The following STK32B variants were observed in gnomAD, a reference collection of about 807,000 sequenced individuals.
STK32B encodes serine/threonine kinase 32B, also known as serine/threonine-protein kinase 32B.
STK32B carries 43 observed loss-of-function variants against 52.6 expected under a neutral mutation model. That is an observed-to-expected ratio of 0.82 (90% confidence interval 0.64 to 1.05). The LOEUF (loss-of-function observed/expected upper bound fraction) is 1.05. Among genes scored for constraint, STK32B ranks in the 50% least tolerant of loss-of-function variants. STK32B has a pLI of 0.00. For missense variants in STK32B, 621 were observed against 534.6 expected (o/e 1.16, Z -1.59); for synonymous variants, 238 against 204.3 (o/e 1.17, Z -1.41).
upstream of STK32B, among the ~76,000 whole-genome samples, chr4:5,050,981 G>T (rs975018889): frequency 6.6e-6 from 1 of 152,164 alleles, no homozygotes; most frequent in Non-Finnish European, 1.5e-5. Context: ...CAATGAAGGG[G>T]TCAGATTAGT....
chr4:5,479,342 T>C (rs570832385), intron 11 of STK32B, among the ~76,000 whole-genome samples: 38 of 152,092 alleles, frequency 2.5e-4, no homozygotes, highest in African/African-American at 8.7e-4. Context: ...TGGTCTCAAA[T>C]TCCCGACCTC....
Position 5,059,052 on chromosome 4 carries a change from C to CTTTTTTTTTTTTTTTTTTTTTTTTTT in STK32B, c.52+7141_52+7166dup, listed in dbSNP as rs3072775. ...AGGCGTGAGCCACCACGCCCAGCTG[C>CTTTTTTTTTTTTTTTTTTTTTTTTTT]TTTTTTTTTTTTTTTTTTTTTTTTT... On this transcript the variant is annotated intron_variant, in intron 1 of 11. Transcript: ENST00000282908. Among the ~76,000 whole-genome samples the CTTTTTTTTTTTTTTTTTTTTTTTTTT allele has an allele frequency of 1.5e-4, 13 of 86,920 alleles. 4 individuals carry two copies. Among genetic ancestry groups the CTTTTTTTTTTTTTTTTTTTTTTTTTT allele is most frequent in the Admixed American group, 4.4e-4 (3 of 6,804 alleles). 57.0% of individuals were successfully genotyped at this position (86,920 alleles called of 152,430 possible).
intron 2 of STK32B, among the ~76,000 whole-genome samples, chr4:5,153,395 T>C (rs10516172): frequency 0.065 from 9,864 of 152,106 alleles, 577 homozygotes; most frequent in Admixed American, 0.17. Context: ...TAGGTTCTTA[T>C]GTGAGAATAA....
intron 1 of STK32B, among the ~76,000 whole-genome samples, chr4:5,112,099 C>T (rs1714436165): frequency 1.3e-5 from 2 of 152,148 alleles, no homozygotes; most frequent in Non-Finnish European, 2.9e-5. Context: ...TAATCCCAGA[C>T]ATTTCTCACC....
At chr4:5,322,091 T>C (rs1731542013) in intron 3 of STK32B, among the ~76,000 whole-genome samples, 2 of 151,072 alleles carry the variant, frequency 1.3e-5, no homozygotes, top group South Asian at 4.2e-4. Flanking sequence ...CCCAGCACTT[T>C]GGGAGGCCAA....
At chr4:5,102,103 A>G (rs1713818786) in intron 1 of STK32B, among the ~76,000 whole-genome samples, 1 of 152,172 alleles carries the variant, frequency 6.6e-6, no homozygotes, top group Non-Finnish European at 1.5e-5. Flanking sequence ...AACCAGTCGG[A>G]TGATCCCTGT....
intron 3 of STK32B, among the ~76,000 whole-genome samples, chr4:5,242,899 A>G (rs933649191): frequency 6.6e-6 from 1 of 152,020 alleles, no homozygotes; most frequent in East Asian, 1.9e-4. Flanking sequence ...GGTATGCGGC[A>G]TTATTTCTGA....
intron 3 of STK32B, among the ~76,000 whole-genome samples, chr4:5,172,760 C>T (rs958659787): frequency 6.6e-5 from 10 of 152,242 alleles, no homozygotes; most frequent in Admixed American, 6.5e-4. Flanking sequence ...GGATATTGGT[C>T]TAAAATTCTC....
At chr4:5,042,963 G>A in the STK32B span, among the ~76,000 whole-genome samples, 12 of 151,600 alleles carry the variant, frequency 7.9e-5, no homozygotes, top group East Asian at 1.9e-4. Context: ...AAAATTAGCC[G>A]GGCGCGGTGG....
intron 3 of STK32B, among the ~76,000 whole-genome samples, chr4:5,192,240 G>C (rs1050037776): frequency 6.6e-6 from 1 of 152,186 alleles, no homozygotes; most frequent in Non-Finnish European, 1.5e-5. Flanking sequence ...TTGTGGATTT[G>C]AGACATTCCT....
chr4:5,193,175 C>T (rs1216646235), intron 3 of STK32B, among the ~76,000 whole-genome samples: 2 of 152,118 alleles, frequency 1.3e-5, no homozygotes, highest in African/African-American at 4.8e-5. Flanking sequence ...TCTCGTGCCT[C>T]CTGAGCTCTC....
At chr4:5,434,432 ATGTGTG>A (rs544048239) in intron 6 of STK32B, among the ~76,000 whole-genome samples, 15 of 145,778 alleles carry the variant, frequency 1.0e-4, no homozygotes, top group Middle Eastern at 3.6e-3. Context: ...GTGTGCATGT[ATGTGTG>A]TGTGTGTGTG....
chr4:5,371,585 G>A (rs1037953007), intron 4 of STK32B, among the ~76,000 whole-genome samples: 4 of 152,134 alleles, frequency 2.6e-5, no homozygotes, highest in Non-Finnish European at 5.9e-5. Context: ...AGGCCCAGCC[G>A]GCTGAAGGGG....
intron 11 of STK32B, among the ~76,000 whole-genome samples, chr4:5,494,565 G>A (rs1175571114): frequency 6.6e-6 from 1 of 152,088 alleles, no homozygotes; most frequent in Non-Finnish European, 1.5e-5. Context: ...GGAGCATTTA[G>A]CCCATTTACA....
At chr4:5,317,732 G>A (rs917239040) in intron 3 of STK32B, among the ~76,000 whole-genome samples, 1 of 150,780 alleles carries the variant, frequency 6.6e-6, no homozygotes, top group Admixed American at 6.7e-5. Context: ...CTTGGAGAAG[G>A]TGACAAGTGA....
At chr4:5,169,842 C>G (rs986297876) in intron 3 of STK32B, among the ~76,000 whole-genome samples, 1 of 152,138 alleles carries the variant, frequency 6.6e-6, no homozygotes, top group African/African-American at 2.4e-5. Flanking sequence ...CCCAGAAGCT[C>G]TTCAGACTCA....
At position 5,159,566 on chromosome 4, in the gene STK32B, AAT is replaced by A. The variant is rs1274132084; in HGVS notation, c.109-8726_109-8725del. Among the ~76,000 whole-genome samples the A allele has an allele frequency of 4.2e-4, 29 of 69,160 alleles. 5 individuals are homozygous for A. The highest frequency in any genetic ancestry group is 6.4e-4 in the African/African-American group (10 of 15,736). The allele number at this position is 69,160 out of a possible 152,430, so 45.4% of individuals were successfully genotyped here. On this transcript the variant is annotated intron_variant, in intron 2 of 11. Transcript: ENST00000282908. Reference sequence around the variant, plus strand: ...GTATATATATGAATATATATGAATGAATATATATGAATATATATATGAATATA... The same window carrying A: ...GTATATATATGAATATATATGAATGAATATATGAATATATATATGAATATA...
chr4:5,290,038 G>A (rs555952261), intron 3 of STK32B, among the ~76,000 whole-genome samples: 10 of 152,008 alleles, frequency 6.6e-5, no homozygotes, highest in South Asian at 2.1e-4. Flanking sequence ...GTAACCCCCC[G>A]TGTCTGTTGT....
At chr4:5,234,606 G>A (rs1309507152) in intron 3 of STK32B, among the ~76,000 whole-genome samples, 1 of 152,220 alleles carries the variant, frequency 6.6e-6, no homozygotes, top group East Asian at 1.9e-4. Flanking sequence ...TATTATAAGT[G>A]GAAAGGATGG....
Sources: gnomAD v4.1 joint callset for allele counts (sites outside exome capture counted in the v4.1 genomes callset) on GRCh38, gnomAD v4.1.1 for gene constraint, MANE v1.5 for transcripts, NCBI Gene and HGNC (gene_info 2026-07-23, HGNC 2026-07-21) for gene names.